SYNJ2: variants seen among roughly 807,000 people sequenced by gnomAD.
SYNJ2 encodes synaptojanin 2.
A neutral mutation model predicts 141.3 loss-of-function variants in SYNJ2; 116 were observed. That is an observed-to-expected ratio of 0.82 (90% CI 0.71 to 0.96). The LOEUF (loss-of-function observed/expected upper bound fraction) is 0.96. Ranked by LOEUF, SYNJ2 falls within the 40% of genes least tolerant of loss-of-function variation. The pLI is 0.00. For missense variants in SYNJ2, 1,873 were observed against 1,934.8 expected (o/e 0.97, Z 0.60); for synonymous variants, 745 against 777.7 (o/e 0.96, Z 0.70).
intron 1 of SYNJ2, among the ~76,000 whole-genome samples, chr6:157,989,914 G>C (rs9459054): frequency 2.0e-5 from 3 of 152,128 alleles, no homozygotes; most frequent in South Asian, 4.2e-4. Context: ...TTTCTGGGGG[G>C]GGCTAGGAGG....
At chr6:158,005,123 G>T (rs1184702213) in intron 1 of SYNJ2, among the ~76,000 whole-genome samples, 5 of 149,290 alleles carry the variant, frequency 3.3e-5, no homozygotes, top group South Asian at 2.1e-4. Context: ...TGTCGCCCAG[G>T]CTGGAGTGCA....
intron 17 of SYNJ2, 132 bp downstream of exon 17, chr6:158,076,914 G>T (rs1336454379): frequency 1.3e-5 from 15 of 1,165,630 alleles, no homozygotes; most frequent in Non-Finnish European, 1.0e-5. Context: ...TGACACAAAA[G>T]TCATCCCAGA....
intron 7 of SYNJ2, among the ~76,000 whole-genome samples, chr6:158,060,890 G>T (rs956681766): frequency 1.3e-5 from 2 of 152,240 alleles, no homozygotes; most frequent in African/African-American, 4.8e-5. Flanking sequence ...TCTAGCTGAA[G>T]ACCTGGGTCA....
chr6:158,030,629 C>A (rs767002714), intron 3 of SYNJ2: 2 of 152,428 alleles, frequency 1.3e-5, no homozygotes, highest in South Asian at 4.1e-4. Context: ...TGGTAGCTCA[C>A]GCCTGCAATC....
At chr6:158,080,513 T>C (rs1782610086) in intron 18 of SYNJ2, among the ~76,000 whole-genome samples, 1 of 150,358 alleles carries the variant, frequency 6.7e-6, no homozygotes, top group African/African-American at 2.4e-5. Flanking sequence ...TTTCCCTTTT[T>C]TTTTTTCCCT....
At chr6:158,069,822 A>AG (rs1781804085) in intron 14 of SYNJ2, 149 bp downstream of exon 14, 9 of 1,041,078 alleles carry the variant, frequency 8.6e-6, no homozygotes, top group Non-Finnish European at 1.2e-5. Context: ...AAAACCCCCT[A>AG]GGAAAAACTG....
At position 158,097,579 on chromosome 6, in the gene SYNJ2, C is replaced by A. The variant is rs1407913160; in HGVS notation, c.*1215C>A. The A allele has an allele frequency of 6.6e-6, 1 of 152,184 alleles. No individual in the cohort carries two copies. Among genetic ancestry groups the A allele is most frequent in the Non-Finnish European group, 1.5e-5 (1 of 68,030 alleles). 9.4% of individuals were successfully genotyped at this position (152,184 alleles called of 1,614,324 possible). ...TACCGCCTGTTGTATCTGGGAGCCT[C>A]GTACAGAGGCTCGCACAGCAGTGAT... is the stretch of plus-strand genomic sequence containing the variant. On this transcript the variant is annotated 3_prime_UTR_variant, in exon 27 of 27. Coordinates refer to ENST00000355585, the MANE Select transcript of SYNJ2 (RefSeq NM_003898.4).
At chr6:157,985,677 C>A (rs969893385) in intron 1 of SYNJ2, among the ~76,000 whole-genome samples, 5 of 152,180 alleles carry the variant, frequency 3.3e-5, no homozygotes, top group Admixed American at 3.3e-4. Context: ...GAGTAAGCGA[C>A]AGTGTTCCAA....
At position 158,059,619 on chromosome 6, in the gene SYNJ2, A is replaced by G. The variant is rs1453060975; in HGVS notation, c.954+266A>G. The G allele has an allele frequency of 4.5e-6, 5 of 1,099,162 alleles. No individual in the cohort carries two copies. The East Asian group carries it at 2.7e-4, about 59-fold the overall frequency. 68.1% of individuals were successfully genotyped at this position (1,099,162 alleles called of 1,614,324 possible). A position where few individuals can be genotyped will look rare whatever the true frequency, so the allele number is the denominator to read the frequency against. On this transcript the variant is annotated intron_variant, in intron 7 of 26. Coordinates refer to ENST00000355585, the MANE Select transcript of SYNJ2 (RefSeq NM_003898.4). ...GCTCAGGCTGGAGTGCAGTGGTGCAATCTCAGCTCACTGCAACCTCTGCCT... is the reference window on the plus strand; with the variant it reads ...GCTCAGGCTGGAGTGCAGTGGTGCAGTCTCAGCTCACTGCAACCTCTGCCT...
Position 158,071,940 on chromosome 6 carries a change from A to C in SYNJ2, c.2133+146A>C, listed in dbSNP as rs994013011. The C allele has an allele frequency of 4.4e-5, 43 of 971,486 alleles. No individual in the cohort carries two copies. Among genetic ancestry groups the C allele is most frequent in the Non-Finnish European group, 6.3e-5 (43 of 677,552 alleles). The allele number at this position is 971,486 out of a possible 1,614,324, so 60.2% of individuals were successfully genotyped here. On this transcript the variant is annotated intron_variant, in intron 15 of 26. Transcript: ENST00000355585. The surrounding 1 kb of genome is among the most constrained non-coding windows in gnomAD (Gnocchi z 4.3). ...AGCGCTGGGGGAGGGGGAGAGGGCT[A>C]TGTCCCTCCATGGAATTGACCTGGG...
intron 5 of SYNJ2, among the ~76,000 whole-genome samples, chr6:158,045,534 G>A (rs1780192656): frequency 6.6e-6 from 1 of 152,152 alleles, no homozygotes; most frequent in South Asian, 2.1e-4. Context: ...TGACTCTAGA[G>A]TGTTTTGGGG....
At chr6:158,055,612 T>G (rs1780823831) in intron 6 of SYNJ2, among the ~76,000 whole-genome samples, 1 of 152,306 alleles carries the variant, frequency 6.6e-6, no homozygotes, top group East Asian at 1.9e-4. Context: ...CTATTTGTAA[T>G]ATGTATTTGA....
intron 25 of SYNJ2, among the ~76,000 whole-genome samples, chr6:158,092,622 G>A (rs767553503): frequency 6.6e-6 from 1 of 152,136 alleles, no homozygotes; most frequent in Non-Finnish European, 1.5e-5. Context: ...AAAATTGGCT[G>A]GGCGTGGCAG....
Position 158,096,489 on chromosome 6 carries a change from C to A in SYNJ2, c.*125C>A. 1 of 1,155,110 alleles carries A rather than the reference C, an allele frequency of 8.7e-7. No homozygotes were observed. Among genetic ancestry groups the A allele is most frequent in the Non-Finnish European group, 1.2e-6 (1 of 844,988 alleles). 71.6% of individuals were successfully genotyped at this position (1,155,110 alleles called of 1,614,324 possible). A position where few individuals can be genotyped will look rare whatever the true frequency, so the allele number is the denominator to read the frequency against. On this transcript the variant is annotated 3_prime_UTR_variant, in exon 27 of 27. Transcript: ENST00000355585. ...AAAACGTTTGTGCATCTGTCACTCT[C>A]GTGTAGTTTACAAAAATCGTGTCTC...
intron 1 of SYNJ2, among the ~76,000 whole-genome samples, chr6:158,012,750 G>C (rs970129819): frequency 1.3e-5 from 2 of 152,180 alleles, no homozygotes; most frequent in Non-Finnish European, 2.9e-5. Context: ...TGATGGAAAA[G>C]GTGGGACAGT....
Position 158,059,345 on chromosome 6 carries a change from G to A in SYNJ2, c.946G>A (p.Ala316Thr), listed in dbSNP as rs773032136. Reference protein sequence around the residue: ...SRGGEEVLNRAFKKLLWASCH... With the variant: ...SRGGEEVLNRTFKKLLWASCH... ...AGGCGGAGAGGAGGTGCTCAACAGA[G>A]CCTTCAAGGTAAGGCCAGGCTGTCC... is the stretch of plus-strand genomic sequence containing the variant. The change falls in exon 7 of 27, where the codon GCC (alanine) becomes ACC (threonine). Residue 316 changes from alanine (A) to threonine (T), a missense_variant. Transcript: ENST00000355585. The A allele has an allele frequency of 1.3e-6, 2 of 1,550,152 alleles. No individual in the cohort carries two copies. Among genetic ancestry groups the A allele is most frequent in the African/African-American group, 2.7e-5 (2 of 73,056 alleles).
chr6:158,010,844 A>T (rs552229021), intron 1 of SYNJ2, among the ~76,000 whole-genome samples: 11 of 144,762 alleles, frequency 7.6e-5, no homozygotes, highest in Admixed American at 5.5e-4. Context: ...TGGCCACGTG[A>T]CAACAGGGGG....
intron 4 of SYNJ2, among the ~76,000 whole-genome samples, chr6:158,041,272 C>T (rs866411110): frequency 7.2e-5 from 11 of 152,312 alleles, no homozygotes; most frequent in Middle Eastern, 3.4e-3. Context: ...CTCCTGCTTC[C>T]ACTCTCTGTC....
chr6:158,010,023 C>T (rs895046329), intron 1 of SYNJ2, among the ~76,000 whole-genome samples: 1 of 152,224 alleles, frequency 6.6e-6, no homozygotes, highest in African/African-American at 2.4e-5. Flanking sequence ...CTCAAGCAAT[C>T]CTGCTATCTC....
Sources: allele counts gnomAD v4.1 joint callset (sites outside exome capture counted in the v4.1 genomes callset), GRCh38; gene constraint gnomAD v4.1.1; non-coding constraint Gnocchi (gnomAD v3.1); transcripts MANE v1.5; gene names NCBI Gene and HGNC (gene_info 2026-07-23, HGNC 2026-07-21).